Variants in CDH4 observed in about 807,000 individuals in gnomAD.
The protein encoded by CDH4 is cadherin-4.
A neutral mutation model predicts 86.0 loss-of-function variants in CDH4; 33 were observed. The observed-to-expected ratio is 0.38, with a 90% CI of 0.29 to 0.51. The LOEUF is 0.51. Ranked by LOEUF, CDH4 falls within the 20% of genes least tolerant of loss-of-function variation. The pLI is 0.86. For missense variants in CDH4, 1,114 were observed against 1,307.4 expected (o/e 0.85, Z 2.28); for synonymous variants, 555 against 549.4 (o/e 1.01, Z -0.14).
intron 8 of CDH4, among the ~76,000 whole-genome samples, chr20:61,901,184 G>T (rs963401598): frequency 1.4e-4 from 20 of 146,208 alleles, no homozygotes; most frequent in Non-Finnish European, 3.0e-4. Flanking sequence ...TTTCACTCAA[G>T]CGGGTATTGC....
At chr20:61,514,458 G>T (rs901572287) in intron 2 of CDH4, among the ~76,000 whole-genome samples, 51 of 152,266 alleles carry the variant, frequency 3.3e-4, no homozygotes, top group African/African-American at 1.2e-3. Context: ...ACATCTTGTG[G>T]TTCTAACTTC....
chr20:61,934,244 G>A, intron 15 of CDH4, 24 bp downstream of exon 15: 1 of 1,512,124 alleles, frequency 6.6e-7, no homozygotes, highest in Non-Finnish European at 8.9e-7. Flanking sequence ...GGCAGTGGGG[G>A]GCCCGGGCAA....
At chr20:61,793,766 G>C (rs1465811347) in intron 4 of CDH4, among the ~76,000 whole-genome samples, 1 of 151,430 alleles carries the variant, frequency 6.6e-6, no homozygotes, top group Non-Finnish European at 1.5e-5. Flanking sequence ...TTGAACCCGG[G>C]AGGTGGAGGT....
chr20:61,444,322 TGCAC>T (rs374051046), intron 2 of CDH4, among the ~76,000 whole-genome samples: 3 of 101,746 alleles, frequency 2.9e-5, no homozygotes, highest in East Asian at 3.6e-4. Flanking sequence ...TTTGTGTATC[TGCAC>T]GTGTGTTTCT....
rs1043293652 is a variant in CDH4 at position 61,377,556 on chromosome 20, C to G, written c.169+122619C>G. Reference sequence around the variant, plus strand: ...CTTCAAATGTCCTTGTTAAATGAAACAAAACCATTGCATGGTGCTTTTCTG... The same window carrying G: ...CTTCAAATGTCCTTGTTAAATGAAAGAAAACCATTGCATGGTGCTTTTCTG... On this transcript the variant is annotated intron_variant, in intron 2 of 15. Coordinates refer to ENST00000614565, the MANE Select transcript of CDH4 (RefSeq NM_001794.5). The surrounding 1 kb of genome is among the most constrained non-coding windows in gnomAD (Gnocchi z 4.0). Among the ~76,000 whole-genome samples, 7 of 152,190 alleles carry G rather than the reference C, an allele frequency of 4.6e-5. No homozygotes were observed. The highest frequency in any genetic ancestry group is 1.3e-4 in the Admixed American group (2 of 15,282).
At chr20:61,859,491 T>A (rs1983221146) in intron 6 of CDH4, among the ~76,000 whole-genome samples, 1 of 152,254 alleles carries the variant, frequency 6.6e-6, no homozygotes, top group African/African-American at 2.4e-5. Context: ...CTGAAAATGC[T>A]CTTCTCTGGG....
intron 2 of CDH4, among the ~76,000 whole-genome samples, chr20:61,282,908 C>G (rs6101291): frequency 1.3e-5 from 1 of 77,690 alleles, no homozygotes; most frequent in African/African-American, 4.3e-5. Flanking sequence ...TGTGCTGTGG[C>G]GTGTGTGATG....
intron 2 of CDH4, among the ~76,000 whole-genome samples, chr20:61,291,093 C>T (rs986178963): frequency 1.3e-5 from 2 of 152,132 alleles, no homozygotes; most frequent in Non-Finnish European, 2.9e-5. Context: ...TTTGGCTTTC[C>T]TGCCTGCACC....
rs763612234 is a variant in CDH4, at chr20:61,501,350, G to C, written c.170-242213G>C. 1.3e-5 allele frequency among the ~76,000 whole-genome samples: 2 copies of C among 152,246 alleles called. No individual in the cohort carries two copies. Among genetic ancestry groups the C allele is most frequent in the African/African-American group, 4.8e-5 (2 of 41,462 alleles). On this transcript the variant is annotated intron_variant, in intron 2 of 15. Transcript: ENST00000614565. This position sits in a 1 kb window ranked among gnomAD's most constrained non-coding sequence, Gnocchi z 4.2. ...AACAGCGGTTAGAGACGGGTGGAAA[G>C]AGAGAGCATTGGGGTGACTGAGACA...
intron 9 of CDH4, among the ~76,000 whole-genome samples, chr20:61,921,163 CGTG>C (rs1274036883): frequency 1.5e-5 from 2 of 135,308 alleles, no homozygotes; most frequent in African/African-American, 2.9e-5. Flanking sequence ...TGCATGGAAG[CGTG>C]GTGTCACAGT....
chr20:61,866,795 G>A (rs1557184), intron 6 of CDH4, among the ~76,000 whole-genome samples: 39,957 of 152,150 alleles, frequency 0.26, 5,455 homozygotes, highest in East Asian at 0.36. Context: ...TCAAAAGTGT[G>A]TCATTTGGCC....
intron 7 of CDH4, among the ~76,000 whole-genome samples, chr20:61,884,773 C>T (rs1049596033): frequency 2.0e-5 from 3 of 152,152 alleles, no homozygotes; most frequent in Non-Finnish European, 4.4e-5. Context: ...GCACCTCCTC[C>T]CAGAACAGCA....
chr20:61,387,359 A>C (rs1358005416), intron 2 of CDH4, among the ~76,000 whole-genome samples: 1 of 150,676 alleles, frequency 6.6e-6, no homozygotes, highest in Non-Finnish European at 1.5e-5. Context: ...CAGCTGCACA[A>C]ACACAAACAC....
chr20:61,660,501 G>C (rs1461871595), intron 2 of CDH4, among the ~76,000 whole-genome samples: 1 of 152,208 alleles, frequency 6.6e-6, no homozygotes, highest in Non-Finnish European at 1.5e-5. Context: ...AGTCCTGCGT[G>C]TATCCATTTT....
At position 61,473,085 on chromosome 20, in the gene CDH4, A is replaced by G. The variant is rs573941312; in HGVS notation, c.169+218148A>G. ...TTGCCATGGTGTAATTTTGTGATCT[A>G]TTTCAAGCTACCAACATTACATCAT... is the stretch of plus-strand genomic sequence containing the variant. On this transcript the variant is annotated intron_variant, in intron 2 of 15. Transcript: ENST00000614565. Among the ~76,000 whole-genome samples, 51 of 152,302 alleles carry G rather than the reference A, an allele frequency of 3.3e-4. 1 individual carries two copies. Among genetic ancestry groups the G allele is most frequent in the Non-Finnish European group, 2.9e-4 (20 of 68,022 alleles).
chr20:61,483,802 C>T (rs1300778491), intron 2 of CDH4, among the ~76,000 whole-genome samples: 2 of 152,052 alleles, frequency 1.3e-5, no homozygotes, highest in East Asian at 3.9e-4. Context: ...GCAGAAGAAC[C>T]ATGCAGCTGA....
chr20:61,421,986 C>A (rs771787403), intron 2 of CDH4, among the ~76,000 whole-genome samples: 1 of 152,254 alleles, frequency 6.6e-6, no homozygotes, highest in Admixed American at 6.5e-5. Context: ...CCTCACAGGC[C>A]GCGGCTATCA....
At chr20:61,907,727 G>A (rs1448463295) in intron 8 of CDH4, among the ~76,000 whole-genome samples, 2 of 152,344 alleles carry the variant, frequency 1.3e-5, no homozygotes, top group South Asian at 4.1e-4. Context: ...GTACCCAGCT[G>A]CAGGTTCCGG....
chr20:61,895,428 G>A (rs911177715), intron 8 of CDH4, among the ~76,000 whole-genome samples: 3 of 152,242 alleles, frequency 2.0e-5, no homozygotes, highest in African/African-American at 4.8e-5. Flanking sequence ...CCATCCCTGT[G>A]TGTGGAACTT....
Sources: gnomAD v4.1 joint callset for allele counts (sites outside exome capture counted in the v4.1 genomes callset) on GRCh38, gnomAD v4.1.1 for gene constraint, Gnocchi (gnomAD v3.1) non-coding constraint, MANE v1.5 for transcripts, NCBI Gene and HGNC (gene_info 2026-07-23, HGNC 2026-07-21) for gene names.